Variants in THRB observed in about 807,000 individuals in gnomAD.
The protein encoded by THRB is nuclear receptor subfamily 1 group A member 2.
In THRB, 12 loss-of-function variants were observed where a neutral mutation model predicts 47.8. The ratio of observed to expected loss-of-function variants is 0.25; its 90% CI spans 0.16 to 0.41. THRB has a LOEUF of 0.41. Ranked by LOEUF, THRB falls within the 10% of genes least tolerant of loss-of-function variation. THRB has a pLI of 1.00. For synonymous variants in THRB, 218 were observed against 212.2 expected, an observed-to-expected ratio of 1.03 and a Z score of -0.24; for missense variants, 348 against 589.2, an observed-to-expected ratio of 0.59 and a Z score of 4.24.
intron 3 of THRB, among the ~76,000 whole-genome samples, chr3:24,277,263 C>T (rs943830020): frequency 3.9e-5 from 6 of 152,118 alleles, no homozygotes; most frequent in Non-Finnish European, 7.4e-5. Flanking sequence ...GCGGGTGCCA[C>T]GGGCATCTAG....
At chr3:24,205,718 G>C (rs1451075074) in intron 4 of THRB, among the ~76,000 whole-genome samples, 1 of 152,154 alleles carries the variant, frequency 6.6e-6, no homozygotes, top group Admixed American at 6.5e-5. Context: ...ATTGGATAAA[G>C]AGTCAAGACC....
At chr3:24,316,312 A>G (rs1413068465) in intron 2 of THRB, among the ~76,000 whole-genome samples, 10 of 152,152 alleles carry the variant, frequency 6.6e-5, no homozygotes, top group Admixed American at 6.5e-4. Context: ...GTAACATTTC[A>G]TCATAATATA....
intron 5 of THRB, among the ~76,000 whole-genome samples, chr3:24,167,508 G>A (rs564011453): frequency 1.3e-5 from 2 of 152,216 alleles, no homozygotes; most frequent in East Asian, 1.9e-4. Context: ...ACTATTTTCT[G>A]AAAACCCCAG....
intron 1 of THRB, among the ~76,000 whole-genome samples, chr3:24,399,926 T>G (rs1033663029): frequency 6.6e-6 from 1 of 152,130 alleles, no homozygotes; most frequent in African/African-American, 2.4e-5. Context: ...GGGAGGACGT[T>G]ACCTCACCAG....
intron 1 of THRB, among the ~76,000 whole-genome samples, chr3:24,408,121 A>T (rs116475848): frequency 0.012 from 1,887 of 151,950 alleles, 32 homozygotes; most frequent in African/African-American, 0.041. Flanking sequence ...TTTTTTGATG[A>T]ATGATAGACA....
At chr3:24,203,162 C>T (rs958174803) in intron 4 of THRB, among the ~76,000 whole-genome samples, 2 of 152,214 alleles carry the variant, frequency 1.3e-5, no homozygotes, top group African/African-American at 4.8e-5. Flanking sequence ...CCTGGAATCC[C>T]AGCACTTTGG....
intron 2 of THRB, among the ~76,000 whole-genome samples, chr3:24,332,442 T>G (rs994777395): frequency 7.2e-5 from 11 of 152,222 alleles, no homozygotes; most frequent in African/African-American, 2.7e-4. Flanking sequence ...AAATAATACT[T>G]TGATCTCTTC....
intron 1 of THRB, among the ~76,000 whole-genome samples, chr3:24,360,276 G>C (rs1160965198): frequency 6.6e-6 from 1 of 152,120 alleles, no homozygotes; most frequent in East Asian, 1.9e-4. Context: ...ATTGAAATTA[G>C]CTACTAAGGT....
intron 4 of THRB, among the ~76,000 whole-genome samples, chr3:24,214,677 G>A (rs1316520026): frequency 6.6e-6 from 1 of 152,172 alleles, no homozygotes; most frequent in Non-Finnish European, 1.5e-5. Flanking sequence ...GTGAGTAGGA[G>A]GGGCTGCTGC....
Position 24,285,306 on chromosome 3 carries a change from A to G in THRB, c.-43+11920T>C, listed in dbSNP as rs1389325530. 3.9e-5 allele frequency among the ~76,000 whole-genome samples: 6 copies of G among 152,032 alleles called. No individual in the cohort carries two copies. In the East Asian group the frequency reaches 7.7e-4, roughly 20 times the overall value. ...AGGGACATGGATGAAATTGGAAACC[A>G]TAATTCTCAGTAAACTATCACAAGA... is the stretch of plus-strand genomic sequence containing the variant. On this transcript the variant is annotated intron_variant, in intron 3 of 10. Transcript: ENST00000646209.
At chr3:24,273,499 C>G (rs1297893188) in intron 3 of THRB, among the ~76,000 whole-genome samples, 4 of 152,062 alleles carry the variant, frequency 2.6e-5, no homozygotes, top group Admixed American at 6.6e-5. Flanking sequence ...GGTCCCTGCT[C>G]CACAACAAAA....
intron 1 of THRB, among the ~76,000 whole-genome samples, chr3:24,480,779 C>T (rs571909929): frequency 6.6e-6 from 1 of 152,284 alleles, no homozygotes; most frequent in African/African-American, 2.4e-5. Context: ...AGGGCAATGT[C>T]CAATCACTCA....
At chr3:24,185,263 GAT>G (rs1302228913) in intron 5 of THRB, among the ~76,000 whole-genome samples, 3 of 152,182 alleles carry the variant, frequency 2.0e-5, no homozygotes, top group African/African-American at 7.2e-5. Flanking sequence ...AAATGTTCAT[GAT>G]ATATTGCTAG....
In THRB at chr3:24,120,608, G is replaced by C. The variant is rs1381039881; in HGVS notation, c.*2276C>G. 1 of 152,200 alleles carries C rather than the reference G, an allele frequency of 6.6e-6. No homozygotes were observed. Among genetic ancestry groups the C allele is most frequent in the African/African-American group, 2.4e-5 (1 of 41,438 alleles). The allele number at this position is 152,200 out of a possible 1,614,324, so 9.4% of individuals were successfully genotyped here. On this transcript the variant is annotated 3_prime_UTR_variant, in exon 11 of 11. Transcript: ENST00000646209. ...TGCCCCAGACAGCAGAGCTTCTCAG[G>C]GTTACCCTGGAGCACAGAGGTGGCT...
chr3:24,133,384 T>C lies in THRB; in HGVS notation c.817A>G (p.Thr273Ala). ...KVDLEAFSHF[T>A]KIITPAITRV... ...GTAATTGCTGGTGTGATGATTTTTG[T>C]AAAATGGCTGAAGGCTTCCAAGTCA... Residue 273 changes from threonine (T) to alanine (A), a missense_variant, in exon 9 of 11, where the codon ACA (threonine) becomes GCA (alanine). This residue lies in a region of THRB where 45 missense variants were observed against 156.2 expected (regional missense o/e 0.29). Coordinates refer to ENST00000646209, the MANE Select transcript of THRB (RefSeq NM_001354712.2). The C allele has an allele frequency of 6.2e-7, 1 of 1,614,198 alleles. No homozygotes were observed.
intron 4 of THRB, among the ~76,000 whole-genome samples, chr3:24,193,063 G>T (rs2043540334): frequency 1.3e-5 from 2 of 152,148 alleles, no homozygotes; most frequent in African/African-American, 4.8e-5. Context: ...AGACTCCCAT[G>T]ACACTGGGGT....
intron 5 of THRB, among the ~76,000 whole-genome samples, chr3:24,188,264 C>T (rs1361740784): frequency 6.6e-6 from 1 of 152,158 alleles, no homozygotes; most frequent in Non-Finnish European, 1.5e-5. Context: ...ATAATAATGA[C>T]AGTTGCTATT....
At chr3:24,200,825 G>A (rs1407884431) in intron 4 of THRB, among the ~76,000 whole-genome samples, 2 of 152,212 alleles carry the variant, frequency 1.3e-5, no homozygotes, top group East Asian at 1.9e-4. Context: ...TAGCAGGTGA[G>A]GTTTTTACAC....
intron 1 of THRB, among the ~76,000 whole-genome samples, chr3:24,387,809 G>A (rs2066248438): frequency 6.6e-6 from 1 of 152,060 alleles, no homozygotes; most frequent in Non-Finnish European, 1.5e-5. Flanking sequence ...GGGGGTTTAG[G>A]AATCCTGTTC....
Sources: gnomAD v4.1 joint callset for allele counts (sites outside exome capture counted in the v4.1 genomes callset) on GRCh38, gnomAD v4.1.1 for gene constraint, gnomAD v4.1.1 regional missense constraint, MANE v1.5 for transcripts, NCBI Gene and HGNC (gene_info 2026-07-23, HGNC 2026-07-21) for gene names.